Variants in NCOA2 observed in about 807,000 individuals in gnomAD.
NCOA2 encodes the protein class E basic helix-loop-helix protein 75.
Under a neutral mutation model 145.1 loss-of-function variants are expected in NCOA2, and 21 were observed. The observed-to-expected ratio is 0.14, with a 90% CI of 0.10 to 0.21. NCOA2 has a LOEUF of 0.21. Ranked by LOEUF, NCOA2 falls within the 10% of genes least tolerant of loss-of-function variation. The pLI is 1.00. For missense variants in NCOA2, 1,472 were observed against 1,837.6 expected, an observed-to-expected ratio of 0.80 and a Z score of 3.64; for synonymous variants, 619 against 637.5, an observed-to-expected ratio of 0.97 and a Z score of 0.44.
chr8:70,363,586 C>T (rs1003730612), intron 1 of NCOA2, among the ~76,000 whole-genome samples: 2 of 152,212 alleles, frequency 1.3e-5, no homozygotes, highest in Non-Finnish European at 2.9e-5. Context: ...TACAACCATA[C>T]TATGAAATAC....
At chr8:70,199,341 C>T (rs1270862118) in intron 4 of NCOA2, among the ~76,000 whole-genome samples, 1 of 151,056 alleles carries the variant, frequency 6.6e-6, no homozygotes, top group Non-Finnish European at 1.5e-5. Context: ...GTCCCAGCTA[C>T]TCAGGAGGCT....
At position 70,366,703 on chromosome 8, in the gene NCOA2, C is replaced by T. The variant is rs930737931; in HGVS notation, c.-77+36997G>A. 2.2e-5 allele frequency among the ~76,000 whole-genome samples: 3 copies of T among 138,202 alleles called. No individual in the cohort carries two copies. The East Asian group carries it at 6.2e-4, about 29-fold the overall frequency. 90.7% of individuals were successfully genotyped at this position (138,202 alleles called of 152,430 possible). A position where few individuals can be genotyped will look rare whatever the true frequency, so the allele number is the denominator to read the frequency against. ...TTATCTACAACATTCAGAAAACAAG[C>T]AAGAAAACCATTGTATAAAATTAAG... On this transcript the variant is annotated intron_variant, in intron 1 of 22. Coordinates refer to ENST00000452400, the MANE Select transcript of NCOA2 (RefSeq NM_006540.4).
chr8:70,360,542 C>T (rs1810108489), intron 1 of NCOA2, among the ~76,000 whole-genome samples: 1 of 152,166 alleles, frequency 6.6e-6, no homozygotes. Flanking sequence ...TTTCATCCCA[C>T]CAAGAGAGTT....
intron 15 of NCOA2, among the ~76,000 whole-genome samples, chr8:70,133,227 GAC>G (rs1266044918): frequency 5.6e-4 from 60 of 106,288 alleles, no homozygotes; most frequent in African/African-American, 2.6e-3. Flanking sequence ...TTTTGGTAAA[GAC>G]AGGGTTTCAT....
the NCOA2 span, among the ~76,000 whole-genome samples, chr8:70,435,448 A>AAAAAAAAAG: frequency 1.4e-5 from 2 of 147,578 alleles, no homozygotes; most frequent in African/African-American, 5.0e-5. Context: ...AAAAAAAAAA[A>AAAAAAAAAG]AAAAAGAATA....
chr8:70,310,055 G>A (rs115506926), intron 1 of NCOA2, among the ~76,000 whole-genome samples: 2 of 151,988 alleles, frequency 1.3e-5, no homozygotes, highest in Admixed American at 1.3e-4. Flanking sequence ...ACACAGGCCA[G>A]GCGCAGTGGC....
chr8:70,169,193 A>G (rs1336429946), intron 6 of NCOA2, among the ~76,000 whole-genome samples: 1 of 152,238 alleles, frequency 6.6e-6, no homozygotes, highest in Non-Finnish European at 1.5e-5. Context: ...AGTACTCTAG[A>G]GCAGCAGCTA....
Position 70,354,551 on chromosome 8 carries a change from T to C in NCOA2, c.-77+49149A>G, listed in dbSNP as rs1292659129. Among the ~76,000 whole-genome samples the C allele has an allele frequency of 2.6e-5, 4 of 152,304 alleles. 1 individual carries two copies. Among genetic ancestry groups the C allele is most frequent in the Admixed American group, 2.6e-4 (4 of 15,306 alleles). On this transcript the variant is annotated intron_variant, in intron 1 of 22. Transcript: ENST00000452400. ...TAACTATTCTACAGTCTGAAACTCA[T>C]ACAAAAATTTGAAACATAGGCCTAA...
chr8:70,327,280 T>C (rs1342077603), intron 1 of NCOA2, among the ~76,000 whole-genome samples: 4 of 152,220 alleles, frequency 2.6e-5, no homozygotes, highest in African/African-American at 9.6e-5. Context: ...AAGTAAAGTG[T>C]GCCTGGTAAC....
intron 4 of NCOA2, among the ~76,000 whole-genome samples, chr8:70,201,151 A>C (rs948659722): frequency 2.0e-5 from 3 of 152,078 alleles, no homozygotes; most frequent in Admixed American, 2.0e-4. Flanking sequence ...TTACCACAAC[A>C]AAAAAGGTCA....
chr8:70,417,981 T>G, the NCOA2 span, among the ~76,000 whole-genome samples: 1 of 152,152 alleles, frequency 6.6e-6, no homozygotes, highest in East Asian at 1.9e-4. Flanking sequence ...CATTGTTATG[T>G]TTGTTAGTGG....
At chr8:70,291,596 C>A (rs775536152) in intron 2 of NCOA2, among the ~76,000 whole-genome samples, 4 of 152,170 alleles carry the variant, frequency 2.6e-5, no homozygotes, top group Non-Finnish European at 5.9e-5. Flanking sequence ...GACAGCAATG[C>A]CATCATGCAG....
intron 1 of NCOA2, among the ~76,000 whole-genome samples, chr8:70,374,845 TA>T (rs529712475): frequency 3.3e-5 from 5 of 151,076 alleles, no homozygotes; most frequent in East Asian, 3.9e-4. Flanking sequence ...GCCGATACGT[TA>T]AAAAAAAGTC....
chr8:70,192,115 A>G (rs143109063), intron 4 of NCOA2, among the ~76,000 whole-genome samples: 17 of 152,352 alleles, frequency 1.1e-4, no homozygotes, highest in African/African-American at 3.8e-4. Flanking sequence ...ACCAAGCTTT[A>G]CATGTATTTC....
chr8:70,166,463 T>TGC (rs1309016146), intron 7 of NCOA2, 103 bp downstream of exon 7: 1 of 1,298,666 alleles, frequency 7.7e-7, no homozygotes, highest in African/African-American at 1.5e-5. Flanking sequence ...ACAAAGATAC[T>TGC]GCCTCCTCAC....
chr8:70,423,698 G>A, the NCOA2 span, among the ~76,000 whole-genome samples: 2 of 152,182 alleles, frequency 1.3e-5, no homozygotes, highest in South Asian at 2.1e-4. Flanking sequence ...ACCACCCAGT[G>A]AGGGAATCAC....
At chr8:70,257,762 T>C (rs1823759075) in intron 2 of NCOA2, among the ~76,000 whole-genome samples, 1 of 152,004 alleles carries the variant, frequency 6.6e-6, no homozygotes, top group Non-Finnish European at 1.5e-5. Context: ...GAAAACTTTT[T>C]CCCTGTTGTC....
rs961807637 is a variant in NCOA2 at position 70,162,827 on chromosome 8, G to A, written c.860C>T (p.Thr287Ile). ...QGKITSLDTS[T>I]MRAAMKPGWE... Reference sequence around the variant, plus strand: ...GCCTGGTTTCATGGCTGCTCTCATGGTGCTGGTATCCAGAGACGTGATCTT... The same window carrying A: ...GCCTGGTTTCATGGCTGCTCTCATGATGCTGGTATCCAGAGACGTGATCTT... Residue 287 changes from threonine to isoleucine, a missense_variant, in exon 9 of 23, where the codon ACC becomes ATC. Thr to Ile is a moderately conservative substitution (Grantham distance 89). Around this residue, in one of 4 missense-constraint regions of NCOA2, gnomAD observed 284 missense variants for 467.8 expected, o/e 0.61. Coordinates refer to ENST00000452400, the MANE Select transcript of NCOA2 (RefSeq NM_006540.4). 2 of 1,613,770 alleles carry A rather than the reference G, an allele frequency of 1.2e-6. No individual in the cohort carries two copies. The highest frequency in any genetic ancestry group is 1.7e-6 in the Non-Finnish European group (2 of 1,179,840).
chr8:70,148,235 G>A (rs1345209879), intron 12 of NCOA2, 38 bp downstream of exon 12: 28 of 1,585,400 alleles, frequency 1.8e-5, no homozygotes, highest in Non-Finnish European at 2.3e-5. Flanking sequence ...TGATTATATG[G>A]AAATTTCTTG....
Sources: gnomAD v4.1 joint callset for allele counts (sites outside exome capture counted in the v4.1 genomes callset) on GRCh38, gnomAD v4.1.1 for gene constraint, gnomAD v4.1.1 regional missense constraint, MANE v1.5 for transcripts, NCBI Gene and HGNC (gene_info 2026-07-23, HGNC 2026-07-21) for gene names.